Variants in PRDM6 observed in about 807,000 individuals in gnomAD.
PRDM6 encodes putative histone-lysine N-methyltransferase PRDM6.
A neutral mutation model predicts 60.8 loss-of-function variants in PRDM6; 25 were observed. The observed-to-expected ratio is 0.41, with a 90% CI of 0.30 to 0.57. The LOEUF (loss-of-function observed/expected upper bound fraction) is 0.57, where lower values mean the gene tolerates loss of function less well. PRDM6 is among the 20% of genes least tolerant of loss of function. The pLI is 0.27. For missense variants in PRDM6, 839 were observed against 821.3 expected (o/e 1.02, Z -0.26); for synonymous variants, 407 against 357.4 (o/e 1.14, Z -1.57).
intron 6 of PRDM6, among the ~76,000 whole-genome samples, chr5:123,176,284 C>A (rs4836490): frequency 0.31 from 42,479 of 137,360 alleles, 6,737 homozygotes; most frequent in East Asian, 0.58. Flanking sequence ...AAAAAAAAAA[C>A]AAAAAAAAAA....
chr5:123,186,955 A>T (rs1478644160), intron 7 of PRDM6, 132 bp from the exon 8 acceptor site: 1 of 645,562 alleles, frequency 1.5e-6, no homozygotes, highest in Admixed American at 2.6e-5. Context: ...AGGAGCCACC[A>T]ATTAAACCTC....
intron 3 of PRDM6, among the ~76,000 whole-genome samples, chr5:123,148,440 A>G (rs1208861631): frequency 6.6e-6 from 1 of 152,126 alleles, no homozygotes; most frequent in African/African-American, 2.4e-5. Flanking sequence ...TAATTGTAAT[A>G]GGTGGAGGAG....
At chr5:123,167,131 A>T (rs1011247008) in intron 5 of PRDM6, among the ~76,000 whole-genome samples, 2 of 151,962 alleles carry the variant, frequency 1.3e-5, no homozygotes, top group Admixed American at 6.6e-5. Flanking sequence ...GCTGCTTTAA[A>T]TTTTTTTTAG....
intron 3 of PRDM6, among the ~76,000 whole-genome samples, chr5:123,103,808 C>A (rs572741904): frequency 3.1e-4 from 47 of 152,010 alleles, no homozygotes; most frequent in Non-Finnish European, 5.9e-4. Flanking sequence ...TAGAATTACT[C>A]AGGCCTTTCA....
rs1766193171 is a variant in PRDM6 at position 123,182,805 on chromosome 5, A to G, written c.1673+2482A>G. Among the ~76,000 whole-genome samples, 3 of 150,850 alleles carry G rather than the reference A, an allele frequency of 2.0e-5. No homozygotes were observed. The South Asian group carries it at 6.3e-4, about 31-fold the overall frequency. On this transcript the variant is annotated intron_variant, in intron 7 of 7. Coordinates refer to ENST00000407847, the MANE Select transcript of PRDM6 (RefSeq NM_001136239.4). ...TTCCTACTTTTATCTAGACAGCCAC[A>G]TGCTGTAGTTGTTTTTTTTTATTTT...
chr5:123,153,474 G>A (rs150056169), intron 3 of PRDM6, among the ~76,000 whole-genome samples: 11 of 152,236 alleles, frequency 7.2e-5, no homozygotes, highest in African/African-American at 9.6e-5. Flanking sequence ...GTATGTAGTC[G>A]TGGGGTTTAA....
At chr5:123,127,927 C>T (rs1764730046) in intron 3 of PRDM6, among the ~76,000 whole-genome samples, 1 of 151,644 alleles carries the variant, frequency 6.6e-6, no homozygotes, top group Non-Finnish European at 1.5e-5. Flanking sequence ...CAGCCCCCGA[C>T]CCCCTGACAG....
rs1245251142 is a variant in PRDM6 at position 123,099,676 on chromosome 5, C to T, written c.615C>T (p.Asn205=). The change falls in exon 3 of 8, where the codon AAC becomes AAT. Residue 205 remains asparagine (N), a synonymous_variant. Transcript: ENST00000407847. The surrounding 1 kb of genome is among the most constrained non-coding windows in gnomAD (Gnocchi z 4.0). ...PNNRCDMCAD[N]RNGECPMHGP... is the part of the protein sequence containing the mutation. ...CAGGTTGCGACATGTGCGCGGACAA[C>T]CGCAACGGCGAGTGCCCTATGCATG... 37 of 1,473,066 alleles carry T rather than the reference C, an allele frequency of 2.5e-5. No individual in the cohort carries two copies. Among genetic ancestry groups the T allele is most frequent in the Non-Finnish European group, 3.3e-5 (37 of 1,108,954 alleles). 91.2% of individuals were successfully genotyped at this position (1,473,066 alleles called of 1,614,324 possible). A position where few individuals can be genotyped will look rare whatever the true frequency, so the allele number is the denominator to read the frequency against.
intron 3 of PRDM6, among the ~76,000 whole-genome samples, chr5:123,122,539 T>C (rs148765321): frequency 2.8e-4 from 43 of 152,320 alleles, no homozygotes; most frequent in African/African-American, 9.6e-4. Flanking sequence ...CATTTCTCGT[T>C]ATAGGTGTTT....
chr5:123,181,476 G>A (rs1766160113), intron 7 of PRDM6, among the ~76,000 whole-genome samples: 1 of 152,212 alleles, frequency 6.6e-6, no homozygotes, highest in Non-Finnish European at 1.5e-5. Context: ...AGGCCTGAGA[G>A]TGTGAGTCAG....
intron 3 of PRDM6, among the ~76,000 whole-genome samples, chr5:123,149,290 C>A (rs1309056542): frequency 6.6e-6 from 1 of 152,110 alleles, no homozygotes; most frequent in Non-Finnish European, 1.5e-5. Flanking sequence ...AGGCTCCAGG[C>A]TGAAATCCAC....
rs191239149 is a variant in PRDM6, at chr5:123,091,173, G to A, written c.592+567G>A. Among the ~76,000 whole-genome samples, 680 of 152,230 alleles carry A rather than the reference G, an allele frequency of 4.5e-3. 4 individuals carry two copies. The highest frequency in any genetic ancestry group is 0.015 in the African/African-American group (639 of 41,550). ...AGGCCTCACTGGAGTAGGAATTTTA[G>A]ATGAAACTGAGTCCGTTTCTCCTTG... is the stretch of plus-strand genomic sequence containing the variant. On this transcript the variant is annotated intron_variant, in intron 2 of 7. Transcript: ENST00000407847.
At chr5:123,177,884 AG>A (rs1470435303) in intron 6 of PRDM6, among the ~76,000 whole-genome samples, 1 of 152,204 alleles carries the variant, frequency 6.6e-6, no homozygotes, top group Admixed American at 6.5e-5. Flanking sequence ...GATCAGAGTC[AG>A]GGGTCCTATC....
At chr5:123,141,151 T>C (rs1331685435) in intron 3 of PRDM6, among the ~76,000 whole-genome samples, 2 of 152,028 alleles carry the variant, frequency 1.3e-5, no homozygotes, top group African/African-American at 4.8e-5. Context: ...AAAATAAATA[T>C]ATCAAATTCT....
rs1015492335 is a variant in PRDM6, at chr5:123,111,464, C to T, written c.900+11503C>T. Among the ~76,000 whole-genome samples, 3 of 152,136 alleles carry T rather than the reference C, an allele frequency of 2.0e-5. No individual in the cohort carries two copies. The South Asian group carries it at 6.2e-4, about 32-fold the overall frequency. On this transcript the variant is annotated intron_variant, in intron 3 of 7. Coordinates refer to ENST00000407847, the MANE Select transcript of PRDM6 (RefSeq NM_001136239.4). ...CTGTAATCCCAACACTTTGGGAGGC[C>T]GAGGCGGGCGGATCACGAGGTCAGG...
chr5:123,188,679 C>T lies in PRDM6; in HGVS notation c.*1478C>T, dbSNP rs1425930752. The T allele has an allele frequency of 6.6e-6, 1 of 152,166 alleles. No homozygotes were observed. Among genetic ancestry groups the T allele is most frequent in the Non-Finnish European group, 1.5e-5 (1 of 68,024 alleles). The allele number at this position is 152,166 out of a possible 1,614,324, so 9.4% of individuals were successfully genotyped here. ...CACAGTCTTTTAAGGAACTCCTTGT[C>T]TTTGAGCTTTCCCATTGTCTTCCCT... On this transcript the variant is annotated 3_prime_UTR_variant, in exon 8 of 8. Transcript: ENST00000407847.
chr5:123,116,820 A>G (rs943704409), intron 3 of PRDM6, among the ~76,000 whole-genome samples: 2 of 152,348 alleles, frequency 1.3e-5, no homozygotes, highest in Admixed American at 6.5e-5. Context: ...AGAAATAGTA[A>G]GGAAATGCCC....
chr5:123,113,248 C>A (rs374089506), intron 3 of PRDM6, among the ~76,000 whole-genome samples: 2 of 152,288 alleles, frequency 1.3e-5, no homozygotes, highest in East Asian at 3.9e-4. Flanking sequence ...TGGATTTTGA[C>A]AAACTCATAA....
rs567710623 is a variant in PRDM6 at position 123,183,121 on chromosome 5, A to C, written c.1673+2798A>C. Among the ~76,000 whole-genome samples, 2 of 152,332 alleles carry C rather than the reference A, an allele frequency of 1.3e-5. 1 individual carries two copies. Among genetic ancestry groups the C allele is most frequent in the Non-Finnish European group, 2.9e-5 (2 of 68,016 alleles). On this transcript the variant is annotated intron_variant, in intron 7 of 7. Coordinates refer to ENST00000407847, the MANE Select transcript of PRDM6 (RefSeq NM_001136239.4). ...ATTAGTCAATAAAATGGGTTTCTCT[A>C]CAACAGTTAATTTTACTACTTCAAC...
Sources: allele counts gnomAD v4.1 joint callset (sites outside exome capture counted in the v4.1 genomes callset), GRCh38; gene constraint gnomAD v4.1.1; non-coding constraint Gnocchi (gnomAD v3.1); transcripts MANE v1.5; gene names NCBI Gene and HGNC (gene_info 2026-07-23, HGNC 2026-07-21).